The following ENTR1 variants were observed in gnomAD, a reference collection of about 807,000 sequenced individuals.
ENTR1 encodes the protein endosome associated trafficking regulator 1, also known as endosome-associated-trafficking regulator 1.
Under a neutral mutation model 47.9 loss-of-function variants are expected in ENTR1, and 47 were observed. That is an observed-to-expected ratio of 0.98 (90% CI 0.78 to 1.25). ENTR1 has a LOEUF of 1.25. Among genes scored for constraint, ENTR1 ranks in the 50% most tolerant of loss-of-function variants. The pLI, the probability that ENTR1 is intolerant of heterozygous loss-of-function variation, is 0.00. For synonymous variants in ENTR1, 290 were observed against 245.8 expected (o/e 1.18, Z -1.68); for missense variants, 668 against 570.5 (o/e 1.17, Z -1.74).
At chr9:136,404,584 G>T in intron 8 of ENTR1, 47 bp downstream of exon 8, 1 of 1,582,142 alleles carries the variant, frequency 6.3e-7, no homozygotes, top group South Asian at 1.1e-5. Context: ...TTCATTATGT[G>T]ACTCCACAAA....
At chr9:136,404,847 G>C (rs896803119) in intron 7 of ENTR1, 154 bp from the exon 8 acceptor site, 2 of 748,296 alleles carry the variant, frequency 2.7e-6, no homozygotes, top group Admixed American at 2.4e-5. Context: ...TCCACTCTCA[G>C]ACCACCCCTG....
intron 3 of ENTR1, among the ~76,000 whole-genome samples, chr9:136,408,484 A>T (rs967344993): frequency 5.3e-5 from 8 of 152,072 alleles, no homozygotes; most frequent in African/African-American, 1.9e-4. Flanking sequence ...AGGCTGAGGC[A>T]GGAGAATGGC....
chr9:136,407,219 T>C lies in ENTR1; in HGVS notation c.745A>G (p.Ser249Gly). 1 of 1,613,206 alleles carries C rather than the reference T, an allele frequency of 6.2e-7. No individual in the cohort carries two copies. Among genetic ancestry groups the C allele is most frequent in the Non-Finnish European group, 8.5e-7 (1 of 1,179,990 alleles). The change falls in exon 5 of 10, where the codon AGC becomes GGC. Residue 249 changes from serine to glycine, a missense_variant. By Grantham distance (56) the Ser-to-Gly change is moderately conservative (BLOSUM62 0). Coordinates refer to ENST00000357365, the MANE Select transcript of ENTR1 (RefSeq NM_001039707.2). ...TCTCCATGAACCGCAAAGTCTGCGC[T>C]AGGACTCCCTGCCGGAGAGGCCGGA... ...VSPASPAGSP[S>G]ADFAVHGESL...
chr9:136,409,154 C>A, intron 2 of ENTR1, 87 bp from the exon 3 acceptor site: 1 of 1,112,438 alleles, frequency 9.0e-7, no homozygotes, highest in Non-Finnish European at 1.4e-6. Context: ...ATGGAGTCTC[C>A]ACTGCAGTGG....
chr9:136,410,219 G>A lies in ENTR1; in HGVS notation c.91C>T (p.Arg31Trp), dbSNP rs1253476841. ...CAATTTAGCTGGGGGAGACAAGACC[G>A]GCGCTCATAGAACGCTGGAGCTGGA... ...IPDAPAFYER[R>W]SCLPQLNCER... is the part of the protein sequence containing the mutation. Residue 31 changes from arginine to tryptophan, a missense_variant, in exon 2 of 10, where the codon CGG becomes TGG. Arg to Trp is a moderately radical substitution (Grantham distance 101). Coordinates refer to ENST00000357365, the MANE Select transcript of ENTR1 (RefSeq NM_001039707.2). The A allele has an allele frequency of 3.1e-6, 5 of 1,587,722 alleles. No individual in the cohort carries two copies. The highest frequency in any genetic ancestry group is 3.4e-6 in the Non-Finnish European group (4 of 1,168,358).
At position 136,410,423 on chromosome 9, in the gene ENTR1, C is replaced by G; in HGVS notation, c.-26G>C. ...CGCCGCCGGCCCGGCGGGGCACGAC[C>G]TGCCTAGCCCGGCAGCGGCGGCTCC... On this transcript the variant is annotated 5_prime_UTR_variant, in exon 1 of 10. Coordinates refer to ENST00000357365, the MANE Select transcript of ENTR1 (RefSeq NM_001039707.2). 5.7e-6 allele frequency: 7 copies of G among 1,236,076 alleles called. No homozygotes were observed. Among genetic ancestry groups the G allele is most frequent in the Non-Finnish European group, 7.1e-6 (7 of 989,024 alleles). 76.6% of individuals were successfully genotyped at this position (1,236,076 alleles called of 1,614,324 possible). A position where few individuals can be genotyped will look rare whatever the true frequency, so the allele number is the denominator to read the frequency against.
intron 7 of ENTR1, 36 bp downstream of exon 7, chr9:136,405,055 C>T: frequency 6.5e-7 from 1 of 1,544,352 alleles, no homozygotes. Flanking sequence ...GCTCCTGCCC[C>T]ACCCAGCTCG....
chr9:136,403,450 G>A (rs1399766438), intron 9 of ENTR1, among the ~76,000 whole-genome samples: 1 of 99,090 alleles, frequency 1.0e-5, no homozygotes, highest in Non-Finnish European at 2.3e-5. Context: ...TGGGAGCAAG[G>A]GGTGGGGTTT....
At position 136,407,865 on chromosome 9, in the gene ENTR1, G is replaced by A. The variant is rs774968181; in HGVS notation, c.363C>T (p.Gly121=). 20 of 1,613,324 alleles carry A rather than the reference G, an allele frequency of 1.2e-5. No homozygotes were observed. The highest frequency in any genetic ancestry group is 1.5e-5 in the Non-Finnish European group (18 of 1,179,408). Residue 121 remains glycine, a synonymous_variant, in exon 4 of 10, where the codon GGC becomes GGT. Coordinates refer to ENST00000357365, the MANE Select transcript of ENTR1 (RefSeq NM_001039707.2). ...TGCTGGCCGGATCCTCTTTCGAGAG[G>A]CCGAGGTTCTTGGTCTTCAGAAACT... is the stretch of plus-strand genomic sequence containing the variant. ...FREFLKTKNL[G]LSKEDPASRI...
intron 2 of ENTR1, chr9:136,409,815 AC>A (rs1163294705): frequency 3.5e-6 from 2 of 575,608 alleles, no homozygotes; most frequent in South Asian, 1.8e-5. Context: ...AGGTGAAGGC[AC>A]CCCGACTCCA....
chr9:136,408,834 C>T (rs1227417153), intron 3 of ENTR1, among the ~76,000 whole-genome samples, 165 bp downstream of exon 3: 3 of 152,288 alleles, frequency 2.0e-5, no homozygotes, highest in Admixed American at 1.3e-4. Flanking sequence ...GATGTCACCT[C>T]GCTGCTACTC....
intron 7 of ENTR1, 81 bp downstream of exon 7, chr9:136,405,010 C>A: frequency 1.8e-6 from 2 of 1,117,638 alleles, no homozygotes; most frequent in Non-Finnish European, 2.7e-6. Flanking sequence ...GCAGGCTGCA[C>A]CGGCTGCTGA....
chr9:136,405,791 T>C, intron 6 of ENTR1, 114 bp downstream of exon 6: 2 of 628,314 alleles, frequency 3.2e-6, no homozygotes, highest in Non-Finnish European at 5.4e-6. Context: ...TGAACATTTA[T>C]ATACAATAAA....
chr9:136,405,973 T>C lies in ENTR1; in HGVS notation c.825A>G (p.Lys275=), dbSNP rs560838130. 7.4e-5 allele frequency: 119 copies of C among 1,608,804 alleles called. No individual in the cohort carries two copies. Among genetic ancestry groups the C allele is most frequent in the Admixed American group, 1.9e-4 (11 of 59,326 alleles). ...RTLQISYDAL[K]DENSKLRRKL... ...TTCTTCTCAGCTTAGAATTTTCATC[T>C]TTCAGCTGTGGAGAGAGAACATCCT... The change falls in exon 6 of 10, where the codon AAA becomes AAG. Residue 275 remains lysine, a synonymous_variant. Transcript: ENST00000357365.
In ENTR1 at chr9:136,404,621, C is replaced by T. The variant is rs1834671132; in HGVS notation, c.1068+10G>A. On this transcript the variant is annotated intron_variant, in intron 8 of 9. Coordinates refer to ENST00000357365, the MANE Select transcript of ENTR1 (RefSeq NM_001039707.2). The stretch of plus-strand genomic sequence containing the variant: ...CAAAGAAAAACACTGAAGTCCCTTC[C>T]TTTAATTACCTGGAGCAAACTGATT... The T allele has an allele frequency of 6.2e-7, 1 of 1,613,680 alleles. No homozygotes were observed. The highest frequency in any genetic ancestry group is 8.5e-7 in the Non-Finnish European group (1 of 1,179,658).
intron 3 of ENTR1, 146 bp downstream of exon 3, chr9:136,408,853 A>G (rs1380386483): frequency 3.1e-6 from 2 of 644,610 alleles, no homozygotes; most frequent in Non-Finnish European, 5.6e-6. Flanking sequence ...TCTAGGATCA[A>G]GACTGAACCC....
rs763508582 is a variant in ENTR1 at position 136,410,337 on chromosome 9, T to C, written c.61A>G (p.Ile21Val). The change falls in exon 1 of 10, where the codon ATT (isoleucine) becomes GTT (valine). Residue 21 changes from isoleucine to valine, a missense_variant. Transcript: ENST00000357365. ...CCCCTGCCCCGCTCACCGTCGGGAA[T>C]GGCGAGGCTCCGGGCTCGGGACAGC... The part of the protein sequence containing the change: ...TPLSRARSLA[I>V]PDAPAFYERR... 4.5e-5 allele frequency: 70 copies of C among 1,545,568 alleles called. No individual in the cohort carries two copies. Among genetic ancestry groups the C allele is most frequent in the Non-Finnish European group, 5.8e-5 (66 of 1,145,596 alleles).
Position 136,410,470 on chromosome 9 carries a change from C to CCGCGGCCCGCGT in ENTR1, c.-85_-74dup. 1 of 1,007,528 alleles carries CCGCGGCCCGCGT rather than the reference C, an allele frequency of 9.9e-7. No homozygotes were observed. Among genetic ancestry groups the CCGCGGCCCGCGT allele is most frequent in the Non-Finnish European group, 1.2e-6 (1 of 835,930 alleles). 62.4% of individuals were successfully genotyped at this position (1,007,528 alleles called of 1,614,324 possible). ...CTCCATGGCCCCGGCTCCGCCCGTG[C>CCGCGGCCCGCGT]CGCGGCCCGCGTCGCCCGCCCCCGT... On this transcript the variant is annotated 5_prime_UTR_variant, in exon 1 of 10. Coordinates refer to ENST00000357365, the MANE Select transcript of ENTR1 (RefSeq NM_001039707.2).
rs1285808467 is a variant in ENTR1, at chr9:136,410,537, C to G, written c.-140G>C. 1.8e-6 allele frequency: 2 copies of G among 1,096,016 alleles called. No homozygotes were observed. Among genetic ancestry groups the G allele is most frequent in the African/African-American group, 1.6e-5 (1 of 61,064 alleles). The allele number at this position is 1,096,016 out of a possible 1,614,324, so 67.9% of individuals were successfully genotyped here. A position where few individuals can be genotyped will look rare whatever the true frequency, so the allele number is the denominator to read the frequency against. On this transcript the variant is annotated 5_prime_UTR_variant, in exon 1 of 10. Transcript: ENST00000357365. ...CCGCCGCTCGGCCGCCCCCGCGCCT[C>G]CGAGCCTCTCGCCGCTGCTTCCGCT... is the stretch of plus-strand genomic sequence containing the variant.
Sources: allele counts gnomAD v4.1 joint callset (sites outside exome capture counted in the v4.1 genomes callset), GRCh38; gene constraint gnomAD v4.1.1; transcripts MANE v1.5; gene names NCBI Gene and HGNC (gene_info 2026-07-23, HGNC 2026-07-21).